The following ST8SIA6 variants were observed in gnomAD, a reference collection of about 807,000 sequenced individuals.
ST8SIA6 encodes the protein ST8 alpha-N-acetyl-neuraminide alpha-2,8-sialyltransferase 6, also known as alpha-2,8-sialyltransferase 8F.
In ST8SIA6, 39 loss-of-function variants were observed where a neutral mutation model predicts 33.6. That is an observed-to-expected ratio of 1.16 (90% CI 0.90 to 1.52). The LOEUF is 1.52. Ranked by LOEUF, ST8SIA6 falls within the 40% of genes most tolerant of loss-of-function variation. The pLI, the probability that ST8SIA6 is intolerant of heterozygous loss-of-function variation, is 0.00. For missense variants in ST8SIA6, 441 were observed against 443.8 expected, an observed-to-expected ratio of 0.99 and a Z score of 0.06; for synonymous variants, 172 against 167.2, an observed-to-expected ratio of 1.03 and a Z score of -0.22.
chr10:17,361,961 A>G (rs959873295), intron 3 of ST8SIA6, among the ~76,000 whole-genome samples: 1 of 152,146 alleles, frequency 6.6e-6, no homozygotes, highest in African/African-American at 2.4e-5. Context: ...TCCAACATTC[A>G]GCAATGACAA....
chr10:17,406,027 C>G (rs1237391627), intron 2 of ST8SIA6, among the ~76,000 whole-genome samples: 1 of 152,078 alleles, frequency 6.6e-6, no homozygotes, highest in Non-Finnish European at 1.5e-5. Flanking sequence ...TTAGCACAGT[C>G]ATTGGAGTGG....
At chr10:17,432,917 GT>G (rs1564462208) in intron 2 of ST8SIA6, among the ~76,000 whole-genome samples, 1 of 152,110 alleles carries the variant, frequency 6.6e-6, no homozygotes, top group African/African-American at 2.4e-5. Flanking sequence ...CAACCCAGCT[GT>G]TTCTGTACCT....
intron 2 of ST8SIA6, among the ~76,000 whole-genome samples, chr10:17,404,823 C>A (rs557697338): frequency 3.2e-4 from 49 of 152,318 alleles, no homozygotes; most frequent in African/African-American, 1.1e-3. Context: ...CACAATAGTC[C>A]TGAATAAATT....
At position 17,319,976 on chromosome 10, in the gene ST8SIA6, C is replaced by T. The variant is rs1268550861; in HGVS notation, c.*902G>A. 2.0e-5 allele frequency: 3 copies of T among 152,100 alleles called. No homozygotes were observed. The highest frequency in any genetic ancestry group is 7.2e-5 in the African/African-American group (3 of 41,416). The allele number at this position is 152,100 out of a possible 1,614,324, so 9.4% of individuals were successfully genotyped here. ...TTGTCATTGTAATACTTATCATACC[C>T]CATCATAATTAATGATATGCACATC... On this transcript the variant is annotated 3_prime_UTR_variant, in exon 8 of 8. Transcript: ENST00000377602.
rs1262832522 is a variant in ST8SIA6 at position 17,319,664 on chromosome 10, G to A, written c.*1214C>T. ...GTTCTAAAGAAAAATTTTTAAGATA[G>A]GATATTATATGGGAAAAAAAAGTAA... On this transcript the variant is annotated 3_prime_UTR_variant, in exon 8 of 8. Transcript: ENST00000377602. Among the ~76,000 whole-genome samples, 1 of 151,846 alleles carries A rather than the reference G, an allele frequency of 6.6e-6. No individual in the cohort carries two copies. The highest frequency in any genetic ancestry group is 1.5e-5 in the Non-Finnish European group (1 of 67,990).
intron 2 of ST8SIA6, among the ~76,000 whole-genome samples, chr10:17,437,946 A>G (rs543544983): frequency 1.1e-3 from 160 of 151,624 alleles, no homozygotes; most frequent in African/African-American, 3.6e-3. Context: ...GGCCAGGCCG[A>G]TCTCGAACTC....
chr10:17,435,945 CAG>C (rs1288934932), intron 2 of ST8SIA6, among the ~76,000 whole-genome samples: 5 of 152,260 alleles, frequency 3.3e-5, no homozygotes, highest in Admixed American at 2.6e-4. Context: ...CCAAATAAAT[CAG>C]AGTCTAGGGA....
At chr10:17,395,304 T>C (rs953164665) in intron 2 of ST8SIA6, among the ~76,000 whole-genome samples, 2 of 152,154 alleles carry the variant, frequency 1.3e-5, no homozygotes, top group Middle Eastern at 3.2e-3. Context: ...TTGACTAATA[T>C]ACTGGGGATC....
chr10:17,384,970 G>C (rs386839), intron 3 of ST8SIA6, among the ~76,000 whole-genome samples: 2 of 151,872 alleles, frequency 1.3e-5, no homozygotes, highest in East Asian at 3.9e-4. Context: ...AGCAATGAAA[G>C]ATCAGATGAA....
chr10:17,321,258 A>G lies in ST8SIA6; in HGVS notation c.817T>C (p.Phe273Leu). ...AAAGAGGTACCCGTGTTGGCCCTGA[A>G]GGAAAATGCTGGCAGAAGAAAAAAT... ...DAFFLLPAFS[F>L]RANTGTSFKV... The change falls in exon 8 of 8, where the codon TTC (phenylalanine) becomes CTC (leucine). Residue 273 changes from phenylalanine to leucine, a missense_variant. Physicochemically the swap from Phe to Leu is conservative, Grantham distance 22 (BLOSUM62 0). Coordinates refer to ENST00000377602, the MANE Select transcript of ST8SIA6 (RefSeq NM_001004470.3). 6.2e-7 allele frequency: 1 copy of G among 1,614,052 alleles called. No individual in the cohort carries two copies. The highest frequency in any genetic ancestry group is 8.5e-7 in the Non-Finnish European group (1 of 1,179,942).
Position 17,359,575 on chromosome 10 carries a change from T to C in ST8SIA6, c.316A>G (p.Ile106Val). Residue 106 changes from isoleucine to valine, a missense_variant, in exon 4 of 8, where the codon ATT becomes GTT. Transcript: ENST00000377602. ...GGACAACTCTGTATATCTGTGATAA[T>C]CTGAAGGTAGTCGTTCTCTGAATAC... ...KGYSENDYLQ[I>V]ITDIQSCPWK... 1 of 1,606,222 alleles carries C rather than the reference T, an allele frequency of 6.2e-7. No homozygotes were observed. The highest frequency in any genetic ancestry group is 8.5e-7 in the Non-Finnish European group (1 of 1,177,144).
chr10:17,361,969 C>G (rs993057146), intron 3 of ST8SIA6, among the ~76,000 whole-genome samples: 5 of 152,094 alleles, frequency 3.3e-5, no homozygotes, highest in Admixed American at 2.0e-4. Flanking sequence ...TCAGCAATGA[C>G]AAAAACCCTC....
intron 2 of ST8SIA6, among the ~76,000 whole-genome samples, chr10:17,418,103 G>C (rs1851658618): frequency 6.6e-6 from 1 of 152,214 alleles, no homozygotes; most frequent in African/African-American, 2.4e-5. Context: ...CTGTCACCCA[G>C]GCTGGAGTAC....
At chr10:17,440,615 A>G (rs538589994) in intron 2 of ST8SIA6, among the ~76,000 whole-genome samples, 8 of 152,230 alleles carry the variant, frequency 5.3e-5, no homozygotes, top group African/African-American at 1.9e-4. Flanking sequence ...TACACCGGCT[A>G]TGCACTCTCC....
At chr10:17,414,045 A>G (rs1288630804) in intron 2 of ST8SIA6, among the ~76,000 whole-genome samples, 1 of 152,138 alleles carries the variant, frequency 6.6e-6, no homozygotes, top group Non-Finnish European at 1.5e-5. Context: ...CTATCTTCAT[A>G]CACGCCTCCT....
At chr10:17,420,779 C>A (rs1851758129) in intron 2 of ST8SIA6, among the ~76,000 whole-genome samples, 1 of 152,200 alleles carries the variant, frequency 6.6e-6, no homozygotes, top group Admixed American at 6.5e-5. Flanking sequence ...AAAGAACTGC[C>A]TGAGACTGGG....
At position 17,317,405 on chromosome 10, in the gene ST8SIA6, A is replaced by T. The variant is rs1220646035; in HGVS notation, c.*3473T>A. Among the ~76,000 whole-genome samples the T allele has an allele frequency of 6.6e-6, 1 of 152,160 alleles. No individual in the cohort carries two copies. The highest frequency in any genetic ancestry group is 1.5e-5 in the Non-Finnish European group (1 of 68,026). Reference sequence around the variant, plus strand: ...CTTCTGAAGCCACATGTAAATAGGAAATCTTCAACACTCCTAGCAGCCTCA... The same window carrying T: ...CTTCTGAAGCCACATGTAAATAGGATATCTTCAACACTCCTAGCAGCCTCA... On this transcript the variant is annotated 3_prime_UTR_variant, in exon 8 of 8. Transcript: ENST00000377602.
intron 2 of ST8SIA6, among the ~76,000 whole-genome samples, chr10:17,444,434 C>T (rs1852624916): frequency 6.6e-6 from 1 of 152,190 alleles, no homozygotes; most frequent in African/African-American, 2.4e-5. Flanking sequence ...CCTCCAACAA[C>T]CTCTGAAATG....
chr10:17,346,362 T>C (rs1024964632), intron 4 of ST8SIA6, among the ~76,000 whole-genome samples: 1 of 152,090 alleles, frequency 6.6e-6, no homozygotes, highest in African/African-American at 2.4e-5. Flanking sequence ...ATCCCAACAC[T>C]TTGCTGAGGT....
Sources: allele counts gnomAD v4.1 joint callset (sites outside exome capture counted in the v4.1 genomes callset), GRCh38; gene constraint gnomAD v4.1.1; transcripts MANE v1.5; gene names NCBI Gene and HGNC (gene_info 2026-07-23, HGNC 2026-07-21).